Variants in PC observed in about 807,000 individuals in gnomAD.
The protein encoded by PC is pyruvate carboxylase.
In PC, 46 loss-of-function variants were observed where a neutral mutation model predicts 107.8. That is an observed-to-expected ratio of 0.43 (90% CI 0.34 to 0.55). The LOEUF is 0.55. Ranked by LOEUF, PC falls within the 20% of genes least tolerant of loss-of-function variation. PC has a pLI of 0.04. For synonymous variants in PC, 662 were observed against 684.7 expected (o/e 0.97, Z 0.52); for missense variants, 1,241 against 1,643.1 (o/e 0.76, Z 4.23).
intron 3 of PC, among the ~76,000 whole-genome samples, chr11:66,931,384 GAAAAAAA>G (rs60081578): frequency 0.19 from 16,453 of 85,128 alleles, 1,081 homozygotes; most frequent in East Asian, 0.32. Flanking sequence ...TCCATCTCAA[GAAAAAAA>G]AAAAAAAAAA....
At position 66,871,452 on chromosome 11, in the gene PC, C is replaced by G; in HGVS notation, c.350G>C (p.Gly117Ala). The G allele has an allele frequency of 6.2e-7, 1 of 1,613,432 alleles. No individual in the cohort carries two copies. The highest frequency in any genetic ancestry group is 8.5e-7 in the Non-Finnish European group (1 of 1,180,032). ...CGCTCGCTCAGAGAGGAACCCGTAG[C>G]CAGGGTGCACTGCATCTACGTTGTT... The part of the protein sequence containing the change: ...KENNVDAVHP[G>A]YGFLSERADF... The change falls in exon 6 of 23, where the codon GGC becomes GCC. Residue 117 changes from glycine (G) to alanine (A), a missense_variant. Coordinates refer to ENST00000393960, the MANE Select transcript of PC (RefSeq NM_001040716.2). The surrounding 1 kb of genome is among the most constrained non-coding windows in gnomAD (Gnocchi z 7.4).
intron 16 of PC, 40 bp from the exon 17 acceptor site, chr11:66,851,320 C>T: frequency 6.3e-7 from 1 of 1,599,280 alleles, no homozygotes; most frequent in South Asian, 1.1e-5. Flanking sequence ...CCCCACCCCA[C>T]CTCCCTCTGA....
chr11:66,923,318 C>T (rs958445491), intron 3 of PC, among the ~76,000 whole-genome samples: 2 of 147,596 alleles, frequency 1.4e-5, no homozygotes, highest in African/African-American at 2.5e-5. Flanking sequence ...GCCAAGATTG[C>T]GCCACTGCAC....
In PC at chr11:66,870,192, A is replaced by G. The variant is rs889135608; in HGVS notation, c.903+110T>C. The G allele has an allele frequency of 6.0e-6, 8 of 1,334,840 alleles. No individual in the cohort carries two copies. Among genetic ancestry groups the G allele is most frequent in the Admixed American group, 1.8e-5 (1 of 56,406 alleles). The allele number at this position is 1,334,840 out of a possible 1,614,324, so 82.7% of individuals were successfully genotyped here. A position where few individuals can be genotyped will look rare whatever the true frequency, so the allele number is the denominator to read the frequency against. On this transcript the variant is annotated intron_variant, in intron 9 of 22. Coordinates refer to ENST00000393960, the MANE Select transcript of PC (RefSeq NM_001040716.2). This position sits in a 1 kb window ranked among gnomAD's most constrained non-coding sequence, Gnocchi z 6.1. ...CCTTCACCCTCTTCTCCCCATCCCC[A>G]GTCCCCAGAAGGGGACTCAGGGTCC...
intron 3 of PC, among the ~76,000 whole-genome samples, chr11:66,903,063 C>T (rs1334375019): frequency 1.3e-5 from 2 of 152,236 alleles, no homozygotes; most frequent in Non-Finnish European, 2.9e-5. Context: ...GGTGTTCATC[C>T]GAATATAACA....
intron 3 of PC, among the ~76,000 whole-genome samples, chr11:66,921,117 C>A (rs965119615): frequency 6.6e-6 from 1 of 152,096 alleles, no homozygotes; most frequent in Non-Finnish European, 1.5e-5. Context: ...GCTCAACGGC[C>A]ACCTGACTGC....
chr11:66,925,399 C>T, intron 3 of PC, among the ~76,000 whole-genome samples: 1 of 152,198 alleles, frequency 6.6e-6, no homozygotes, highest in African/African-American at 2.4e-5. Flanking sequence ...ATCTCTTTCT[C>T]AGGGATGTTC....
intron 3 of PC, among the ~76,000 whole-genome samples, chr11:66,931,101 A>G (rs553605442): frequency 1.3e-5 from 2 of 152,238 alleles, no homozygotes; most frequent in African/African-American, 4.8e-5. Context: ...CTGGGGTGCC[A>G]GGTGTGGTGG....
chr11:66,881,852 A>G (rs1947198713), intron 3 of PC, among the ~76,000 whole-genome samples: 2 of 152,222 alleles, frequency 1.3e-5, no homozygotes, highest in South Asian at 4.1e-4. Context: ...CCTCCAGAGC[A>G]GGAGCTCGGA....
chr11:66,889,538 T>C (rs1947493678), intron 3 of PC, among the ~76,000 whole-genome samples: 1 of 151,964 alleles, frequency 6.6e-6, no homozygotes, highest in South Asian at 2.1e-4. Context: ...GCCCAGCTAA[T>C]ATTTTTGTAT....
At chr11:66,919,961 TG>T (rs1198475885) in intron 3 of PC, 1 of 152,240 alleles carries the variant, frequency 6.6e-6, no homozygotes, top group African/African-American at 2.4e-5. Flanking sequence ...CTTCTGCAAA[TG>T]GCTTGATAAT....
At chr11:66,873,512 ATTATATTAT>A (rs1251037861) in intron 3 of PC, among the ~76,000 whole-genome samples, 30 of 1,902 alleles carry the variant, frequency 0.016, 2 homozygotes, top group Admixed American at 0.13. Flanking sequence ...AATATTATAT[ATTATATTAT>A]ATATTATAAT....
intron 1 of PC, 181 bp downstream of exon 1, chr11:66,958,141 G>C (rs1949618498): frequency 6.6e-6 from 1 of 151,696 alleles, no homozygotes; most frequent in South Asian, 2.1e-4. Context: ...GCCGTCCGCT[G>C]CGTCGCGTCG....
chr11:66,870,907 A>G lies in PC; in HGVS notation c.634-15T>C. On this transcript the variant is annotated splice_polypyrimidine_tract_variant and intron_variant, in intron 7 of 22. Transcript: ENST00000393960. This position sits in a 1 kb window ranked among gnomAD's most constrained non-coding sequence, Gnocchi z 6.1. The stretch of plus-strand genomic sequence containing the variant: ...TCCTCCAGCTCCTGCGAGGGCGGGC[A>G]GGGGCCAGCCAGACCTCAGACCCCA... 4.3e-6 allele frequency: 7 copies of G among 1,610,188 alleles called. No homozygotes were observed. Among genetic ancestry groups the G allele is most frequent in the Non-Finnish European group, 5.9e-6 (7 of 1,178,646 alleles).
intron 3 of PC, among the ~76,000 whole-genome samples, chr11:66,933,508 C>T (rs1442834233): frequency 9.9e-5 from 15 of 152,138 alleles, no homozygotes; most frequent in Non-Finnish European, 1.5e-5. Flanking sequence ...TTTGTCTCTC[C>T]ACTTTTCCCC....
chr11:66,898,706 G>A (rs1197424506), intron 3 of PC, among the ~76,000 whole-genome samples: 1 of 152,054 alleles, frequency 6.6e-6, no homozygotes, highest in Non-Finnish European at 1.5e-5. Context: ...GCAATTCAAT[G>A]GCTTTTTAAA....
At position 66,870,472 on chromosome 11, in the gene PC, T is replaced by G. The variant is rs1275166075; in HGVS notation, c.752-19A>C. The stretch of plus-strand genomic sequence containing the variant: ...TGGTCCCCTGGGGAGGGAGGTAAAC[T>G]GGGCTTAGCTTTTACTGGAATCTAC... On this transcript the variant is annotated intron_variant, in intron 8 of 22. Transcript: ENST00000393960. This position sits in a 1 kb window ranked among gnomAD's most constrained non-coding sequence, Gnocchi z 6.1. 2.5e-6 allele frequency: 4 copies of G among 1,611,424 alleles called. No homozygotes were observed. Among genetic ancestry groups the G allele is most frequent in the Non-Finnish European group, 3.4e-6 (4 of 1,179,706 alleles).
chr11:66,850,045 C>T lies in PC; in HGVS notation c.2790G>A (p.Glu930=), dbSNP rs766934505. Reference sequence around the variant, plus strand: ...ACAGCTCTTCCGCCTGAGCTTCGGCCTCTGCCCGGCTCAATCCATTCTGCA... The same window carrying T: ...ACAGCTCTTCCGCCTGAGCTTCGGCTTCTGCCCGGCTCAATCCATTCTGCA... The part of the protein sequence containing the change: ...FMVQNGLSRA[E]AEAQAEELSF... The change falls in exon 20 of 23, where the codon GAG becomes GAA. Residue 930 remains glutamate (E), a synonymous_variant. Coordinates refer to ENST00000393960, the MANE Select transcript of PC (RefSeq NM_001040716.2). 1.2e-6 allele frequency: 2 copies of T among 1,613,702 alleles called. No individual in the cohort carries two copies. The highest frequency in any genetic ancestry group is 1.1e-5 in the South Asian group (1 of 91,090).
In PC at chr11:66,918,064, T is replaced by C. The variant is rs1302937867; in HGVS notation, c.-1+34366A>G. Reference sequence around the variant, plus strand: ...CCCCCACAGCAGCCTGTGAGCCCTCTAGGTGGTGATAGAAACAGCAAATAG... The same window carrying C: ...CCCCCACAGCAGCCTGTGAGCCCTCCAGGTGGTGATAGAAACAGCAAATAG... On this transcript the variant is annotated intron_variant, in intron 3 of 22. Coordinates refer to ENST00000393960, the MANE Select transcript of PC (RefSeq NM_001040716.2). 5.9e-5 allele frequency among the ~76,000 whole-genome samples: 9 copies of C among 152,302 alleles called. 1 individual carries two copies. Among genetic ancestry groups the C allele is most frequent in the Non-Finnish European group, 5.9e-5 (4 of 68,008 alleles).
Sources: gnomAD v4.1 joint callset for allele counts (sites outside exome capture counted in the v4.1 genomes callset) on GRCh38, gnomAD v4.1.1 for gene constraint, Gnocchi (gnomAD v3.1) non-coding constraint, MANE v1.5 for transcripts, NCBI Gene and HGNC (gene_info 2026-07-23, HGNC 2026-07-21) for gene names.